Variants in MTHFD1 observed in about 807,000 individuals in gnomAD.
MTHFD1 encodes the protein methylenetetrahydrofolate dehydrogenase, cyclohydrolase and formyltetrahydrofolate synthetase 1.
MTHFD1 carries 44 observed loss-of-function variants against 110.3 expected under a neutral mutation model. The observed-to-expected ratio is 0.40, with a 90% confidence interval of 0.31 to 0.51. The LOEUF (loss-of-function observed/expected upper bound fraction) is 0.51, where lower values mean the gene tolerates loss of function less well. Ranked by LOEUF, MTHFD1 falls within the 20% of genes least tolerant of loss-of-function variation. The pLI is 0.60. For missense variants in MTHFD1, 909 were observed against 1,173.1 expected, an observed-to-expected ratio of 0.77 and a Z score of 3.29; for synonymous variants, 402 against 428.8, an observed-to-expected ratio of 0.94 and a Z score of 0.77.
At chr14:64,411,708 T>A (rs1205448491) in intron 3 of MTHFD1, among the ~76,000 whole-genome samples, 4 of 152,124 alleles carry the variant, frequency 2.6e-5, no homozygotes, top group African/African-American at 9.7e-5. Flanking sequence ...TAGACCAGCC[T>A]AAGAAACATG....
chr14:64,439,407 C>A, intron 17 of MTHFD1: 1 of 572,942 alleles, frequency 1.7e-6, no homozygotes, highest in South Asian at 2.0e-5. Flanking sequence ...AGGTGGAGAG[C>A]CCCAAGTGAA....
At chr14:64,398,863 G>C (rs1170346636) in intron 1 of MTHFD1, among the ~76,000 whole-genome samples, 1 of 152,202 alleles carries the variant, frequency 6.6e-6, no homozygotes, top group Non-Finnish European at 1.5e-5. Context: ...GAGCTATTCA[G>C]ATATGTATTT....
chr14:64,441,971 A>T, intron 19 of MTHFD1, 83 bp from the exon 20 acceptor site: 1 of 931,368 alleles, frequency 1.1e-6, no homozygotes, highest in Non-Finnish European at 1.8e-6. Flanking sequence ...TTCCGATTCC[A>T]AATCAATTCC....
intron 15 of MTHFD1, 118 bp downstream of exon 15, chr14:64,431,979 ATAGTCT>A: frequency 2.3e-6 from 2 of 854,320 alleles, no homozygotes; most frequent in Non-Finnish European, 3.9e-6. Flanking sequence ...ATCAGTAATC[ATAGTCT>A]TAAAGTCATG....
chr14:64,421,699 C>G (rs1466366214), intron 8 of MTHFD1, among the ~76,000 whole-genome samples: 15 of 151,798 alleles, frequency 9.9e-5, no homozygotes, highest in Admixed American at 9.8e-4. Flanking sequence ...TCTCGGCTCA[C>G]TGCAAGCTCC....
At chr14:64,448,499 G>A in intron 23 of MTHFD1, 182 bp downstream of exon 23, 2 of 629,096 alleles carry the variant, frequency 3.2e-6, no homozygotes, top group Non-Finnish European at 5.8e-6. Flanking sequence ...CACCCACTGA[G>A]GGTCCCAAAG....
At chr14:64,458,085 C>G (rs904032953) in intron 26 of MTHFD1, 129 bp from the exon 27 acceptor site, 7 of 776,378 alleles carry the variant, frequency 9.0e-6, no homozygotes, top group African/African-American at 1.7e-5. Flanking sequence ...AGATGGGGGT[C>G]TCACTATGTT....
intron 11 of MTHFD1, among the ~76,000 whole-genome samples, chr14:64,426,906 C>T (rs1056768357): frequency 1.3e-5 from 2 of 152,118 alleles, no homozygotes; most frequent in Non-Finnish European, 2.9e-5. Context: ...AGCCGTGTCT[C>T]TACAAGATAA....
At position 64,458,234 on chromosome 14, in the gene MTHFD1, C is replaced by T. The variant is rs1354264402; in HGVS notation, c.2739C>T (p.Leu913=). The change falls in exon 27 of 28, where the codon CTC becomes CTT. Residue 913 remains leucine, a synonymous_variant. Coordinates refer to ENST00000652337, the MANE Select transcript of MTHFD1 (RefSeq NM_005956.4). ...CCTAGATGAGCACAATGCCTGGACT[C>T]CCCACCCGGCCCTGTTTTTATGATA... The part of the protein sequence containing the change: ...LVGTMSTMPG[L]PTRPCFYDID... The T allele has an allele frequency of 6.2e-7, 1 of 1,612,752 alleles. No individual in the cohort carries two copies. Among genetic ancestry groups the T allele is most frequent in the East Asian group, 2.2e-5 (1 of 44,892 alleles).
chr14:64,459,990 G>A lies in MTHFD1; in HGVS notation c.*236G>A. 7.0e-7 allele frequency: 1 copy of A among 1,433,742 alleles called. No individual in the cohort carries two copies. Among genetic ancestry groups the A allele is most frequent in the Non-Finnish European group, 9.4e-7 (1 of 1,062,876 alleles). 88.8% of individuals were successfully genotyped at this position (1,433,742 alleles called of 1,614,324 possible). A position where few individuals can be genotyped will look rare whatever the true frequency, so the allele number is the denominator to read the frequency against. On this transcript the variant is annotated 3_prime_UTR_variant, in exon 28 of 28. Transcript: ENST00000652337. Reference sequence around the variant, plus strand: ...TTTAGTGACGTTCCACAGAATAAAAGGAAACAAGTTTGCCATCTTGGTGTT... The same window carrying A: ...TTTAGTGACGTTCCACAGAATAAAAAGAAACAAGTTTGCCATCTTGGTGTT...
intron 4 of MTHFD1, among the ~76,000 whole-genome samples, chr14:64,412,930 G>A (rs943014600): frequency 1.6e-4 from 24 of 149,658 alleles, no homozygotes; most frequent in Admixed American, 5.3e-4. Flanking sequence ...GAGCCACCAC[G>A]CCTGGCACCT....
rs373302182 is a variant in MTHFD1, at chr14:64,424,793, C to A, written c.728-11C>A. ...TGAGACTTAGTTTTGATTTCTCCCC[C>A]ACTTGACCAGATGATAAAAAACCAA... On this transcript the variant is annotated splice_polypyrimidine_tract_variant and intron_variant, in intron 8 of 27. Transcript: ENST00000652337. 1.9e-6 allele frequency: 3 copies of A among 1,613,734 alleles called. No individual in the cohort carries two copies. Among genetic ancestry groups the A allele is most frequent in the East Asian group, 2.2e-5 (1 of 44,886 alleles).
At position 64,388,485 on chromosome 14, in the gene MTHFD1, G is replaced by A. The variant is rs1202808574; in HGVS notation, c.41+17G>A. On this transcript the variant is annotated intron_variant, in intron 1 of 27. Transcript: ENST00000652337. ...GATCTCCGCGTAAGCACCTGACATT[G>A]TTGTTGAGTGTGGGGCTGTGGACGA... 6 of 1,610,986 alleles carry A rather than the reference G, an allele frequency of 3.7e-6. No homozygotes were observed. Among genetic ancestry groups the A allele is most frequent in the Non-Finnish European group, 5.1e-6 (6 of 1,178,026 alleles).
rs141678649 is a variant in MTHFD1, at chr14:64,392,099, G to C, written c.41+3631G>C. 6.2e-3 allele frequency among the ~76,000 whole-genome samples: 947 copies of C among 152,310 alleles called. 12 individuals are homozygous for C. Among genetic ancestry groups the C allele is most frequent in the African/African-American group, 0.022 (912 of 41,560 alleles). ...GACTTACGGGCAAAGACTTGAAGGA[G>C]GTGGAGCCTTAAGCCTGCCAATGTT... On this transcript the variant is annotated intron_variant, in intron 1 of 27. Transcript: ENST00000652337.
intron 25 of MTHFD1, 102 bp downstream of exon 25, chr14:64,453,963 T>G (rs2078422000): frequency 1.3e-6 from 1 of 746,996 alleles, no homozygotes; most frequent in Non-Finnish European, 2.4e-6. Context: ...GTTGCTTCAC[T>G]TCTCTGGGTG....
chr14:64,401,684 CAGAG>C (rs1367506794), intron 2 of MTHFD1, among the ~76,000 whole-genome samples: 1 of 124,524 alleles, frequency 8.0e-6, no homozygotes, highest in African/African-American at 3.2e-5. Flanking sequence ...GCCTGGGCGA[CAGAG>C]AGATTCCGTC....
At chr14:64,410,407 T>TC (rs796910445) in intron 2 of MTHFD1, among the ~76,000 whole-genome samples, 1 of 148,742 alleles carries the variant, frequency 6.7e-6, no homozygotes, top group Non-Finnish European at 1.5e-5. Context: ...TTTGTAAAGA[T>TC]GGGGGGGGGG....
chr14:64,399,656 C>CAAAAAAA (rs34735594), intron 1 of MTHFD1, among the ~76,000 whole-genome samples: 9 of 113,170 alleles, frequency 8.0e-5, no homozygotes, highest in East Asian at 5.1e-4. Flanking sequence ...GTCCCCATCT[C>CAAAAAAA]AAAAAAAAAA....
chr14:64,449,837 C>T (rs879495945), intron 24 of MTHFD1, among the ~76,000 whole-genome samples: 3 of 152,130 alleles, frequency 2.0e-5, no homozygotes, highest in Non-Finnish European at 4.4e-5. Context: ...TGCCCAGGCT[C>T]GAGTGCAGAG....
Sources: gnomAD v4.1 joint callset for allele counts (sites outside exome capture counted in the v4.1 genomes callset) on GRCh38, gnomAD v4.1.1 for gene constraint, MANE v1.5 for transcripts, NCBI Gene and HGNC (gene_info 2026-07-23, HGNC 2026-07-21) for gene names.